CSMD3: variants seen among roughly 807,000 people sequenced by gnomAD.
The protein encoded by CSMD3 is CUB and Sushi multiple domains 3.
CSMD3 carries 177 observed loss-of-function variants against 435.2 expected under a neutral mutation model. That is an observed-to-expected ratio of 0.41 (90% CI 0.36 to 0.46). The LOEUF is 0.46. Ranked by LOEUF, CSMD3 falls within the 20% of genes least tolerant of loss-of-function variation. The pLI is 0.34. For synonymous variants in CSMD3, 1,656 were observed against 1,520.5 expected, an observed-to-expected ratio of 1.09 and a Z score of -2.07; for missense variants, 4,265 against 4,504.6, an observed-to-expected ratio of 0.95 and a Z score of 1.52.
chr8:112,994,508 G>A (rs2085572143), intron 6 of CSMD3, among the ~76,000 whole-genome samples: 1 of 151,572 alleles, frequency 6.6e-6, no homozygotes. Context: ...AGATATGTAA[G>A]TTCCCAATAT....
intron 9 of CSMD3, among the ~76,000 whole-genome samples, chr8:112,934,006 G>A (rs1309517106): frequency 1.3e-5 from 2 of 152,012 alleles, no homozygotes; most frequent in Non-Finnish European, 2.9e-5. Context: ...ACTCTTGAAG[G>A]GAAAAATTAC....
At chr8:113,008,094 A>G (rs1011508775) in intron 6 of CSMD3, among the ~76,000 whole-genome samples, 3 of 151,972 alleles carry the variant, frequency 2.0e-5, no homozygotes, top group South Asian at 2.1e-4. Flanking sequence ...AGAAAAAAAA[A>G]AGAGAAATTA....
intron 9 of CSMD3, among the ~76,000 whole-genome samples, chr8:112,938,657 A>AT (rs1402805120): frequency 6.6e-6 from 1 of 152,136 alleles, no homozygotes; most frequent in Non-Finnish European, 1.5e-5. Context: ...TTTTACATTG[A>AT]TTTTTTAAAA....
chr8:112,975,206 G>A (rs994588459), intron 7 of CSMD3, among the ~76,000 whole-genome samples: 2 of 151,900 alleles, frequency 1.3e-5, no homozygotes, highest in Non-Finnish European at 2.9e-5. Flanking sequence ...AAATAAATTA[G>A]ACATTTAAAG....
intron 29 of CSMD3, 83 bp downstream of exon 29, chr8:112,506,608 G>T (rs2130929348): frequency 7.7e-7 from 1 of 1,297,342 alleles, no homozygotes; most frequent in Non-Finnish European, 1.1e-6. Flanking sequence ...TACAGAAATA[G>T]GAATTAGTCT....
In CSMD3 at chr8:112,545,502, AAT is replaced by A. The variant is rs1554609793; in HGVS notation, c.4564+5167_4564+5168del. ...CATCTCAAAAAAAAAAAAAAAAAAA[AAT>A]AATAATAATAATAATAATAATAAAT... On this transcript the variant is annotated intron_variant, in intron 27 of 70. Transcript: ENST00000297405. 5.9e-4 allele frequency among the ~76,000 whole-genome samples: 70 copies of A among 117,984 alleles called. 1 individual carries two copies. Among genetic ancestry groups the A allele is most frequent in the South Asian group, 1.8e-3 (7 of 3,860 alleles). 77.4% of individuals were successfully genotyped at this position (117,984 alleles called of 152,430 possible).
intron 13 of CSMD3, among the ~76,000 whole-genome samples, chr8:112,760,581 G>A (rs2077813800): frequency 6.6e-6 from 1 of 152,114 alleles, no homozygotes; most frequent in Admixed American, 6.5e-5. Flanking sequence ...GGAAATTGAA[G>A]CCCATTAAAT....
intron 13 of CSMD3, among the ~76,000 whole-genome samples, chr8:112,695,467 C>A (rs1423344439): frequency 2.0e-5 from 3 of 152,026 alleles, no homozygotes; most frequent in Non-Finnish European, 4.4e-5. Flanking sequence ...ATAAAGAGAA[C>A]CAAAGACAAA....
chr8:112,896,188 T>C (rs2081945415), intron 10 of CSMD3, among the ~76,000 whole-genome samples: 1 of 151,378 alleles, frequency 6.6e-6, no homozygotes, highest in Non-Finnish European at 1.5e-5. Flanking sequence ...CACTGTCTTA[T>C]AAAGAAGTCT....
intron 13 of CSMD3, among the ~76,000 whole-genome samples, chr8:112,696,654 C>T (rs1431308769): frequency 6.6e-6 from 1 of 152,112 alleles, no homozygotes; most frequent in Admixed American, 6.6e-5. Flanking sequence ...CCATTCAGGA[C>T]ATAGGCATGG....
chr8:113,248,467 TGATATATATGTATATATAC>T (rs2093300221), intron 3 of CSMD3, among the ~76,000 whole-genome samples: 2 of 131,312 alleles, frequency 1.5e-5, no homozygotes, highest in Admixed American at 7.6e-5. Flanking sequence ...TGTGTGTGTG[TGATATATATGTATATATAC>T]ATATATATAC....
At chr8:112,497,237 G>A (rs192186433) in intron 30 of CSMD3, among the ~76,000 whole-genome samples, 4 of 152,172 alleles carry the variant, frequency 2.6e-5, no homozygotes, top group African/African-American at 9.6e-5. Context: ...GGGAAGTGGG[G>A]ACAGTTAATG....
chr8:113,055,283 G>C (rs1430291340), intron 5 of CSMD3, among the ~76,000 whole-genome samples: 2 of 152,064 alleles, frequency 1.3e-5, no homozygotes, highest in Non-Finnish European at 2.9e-5. Context: ...CTGAGTAGCT[G>C]GGATTACAGA....
At chr8:112,399,169 C>T (rs1379871856) in intron 35 of CSMD3, among the ~76,000 whole-genome samples, 2 of 152,004 alleles carry the variant, frequency 1.3e-5, no homozygotes, top group Non-Finnish European at 2.9e-5. Flanking sequence ...CCACCCGCCT[C>T]GGCTAAACTC....
chr8:112,835,542 G>C (rs1183727455), intron 11 of CSMD3, among the ~76,000 whole-genome samples: 1 of 151,800 alleles, frequency 6.6e-6, no homozygotes, highest in African/African-American at 2.4e-5. Context: ...AGGAAGTACA[G>C]CATACCTCCC....
chr8:112,937,196 C>T (rs924991981), intron 9 of CSMD3, among the ~76,000 whole-genome samples: 5 of 151,896 alleles, frequency 3.3e-5, no homozygotes, highest in African/African-American at 1.2e-4. Context: ...AAATCTAGTC[C>T]TATTCTTTCT....
intron 32 of CSMD3, among the ~76,000 whole-genome samples, chr8:112,450,195 A>G (rs1242971580): frequency 6.6e-6 from 1 of 152,322 alleles, no homozygotes; most frequent in South Asian, 2.1e-4. Context: ...AGAGTTTGGG[A>G]GACTTGTCCA....
rs544025695 is a variant in CSMD3, at chr8:112,420,664, C to T, written c.5396-11632G>A. On this transcript the variant is annotated intron_variant, in intron 32 of 70. Transcript: ENST00000297405. ...AGAGAGACTAAAATAGGATAAAACT[C>T]AATTGAACAAAATTTTACTGGCATC... Among the ~76,000 whole-genome samples the T allele has an allele frequency of 3.9e-5, 6 of 152,058 alleles. No homozygotes were observed. In the East Asian group the frequency reaches 7.7e-4, roughly 20 times the overall value.
rs1586639713 is a variant in CSMD3, at chr8:112,281,186, G to A, written c.9496C>T (p.Pro3166Ser). ...TANGTWSGTL[P>S]NCTIISCGDP... ...AGAATATACTTACTTGTACAGTTAG[G>A]TAAAGTTCCAGACCATGTTCCATTG... Residue 3166 changes from proline (P) to serine (S), a missense_variant, in exon 59 of 71, where the codon CCT becomes TCT. This residue lies in a region of CSMD3 where 3,255 missense variants were observed against 3,380.2 expected (regional missense o/e 0.96). Coordinates refer to ENST00000297405, the MANE Select transcript of CSMD3 (RefSeq NM_198123.2). The A allele has an allele frequency of 6.2e-7, 1 of 1,611,414 alleles. No homozygotes were observed. Among genetic ancestry groups the A allele is most frequent in the African/African-American group, 1.3e-5 (1 of 74,918 alleles).
Sources: gnomAD v4.1 joint callset for allele counts (sites outside exome capture counted in the v4.1 genomes callset) on GRCh38, gnomAD v4.1.1 for gene constraint, gnomAD v4.1.1 regional missense constraint, MANE v1.5 for transcripts, NCBI Gene and HGNC (gene_info 2026-07-23, HGNC 2026-07-21) for gene names.